Variants in CSGALNACT1 observed in about 807,000 individuals in gnomAD.
CSGALNACT1 encodes beta4GalNAcT-1.
Under a neutral mutation model 51.0 loss-of-function variants are expected in CSGALNACT1, and 52 were observed. That is an observed-to-expected ratio of 1.02 (90% confidence interval 0.82 to 1.29). The LOEUF is 1.29. Among genes scored for constraint, CSGALNACT1 ranks in the 50% most tolerant of loss-of-function variants. The pLI, the probability that CSGALNACT1 is intolerant of heterozygous loss-of-function variation, is 0.00. For missense variants in CSGALNACT1, 935 were observed against 679.2 expected, an observed-to-expected ratio of 1.38 and a Z score of -4.19; for synonymous variants, 341 against 254.4, an observed-to-expected ratio of 1.34 and a Z score of -3.24.
intron 3 of CSGALNACT1, among the ~76,000 whole-genome samples, chr8:19,546,039 C>T (rs1169852568): frequency 6.6e-6 from 1 of 151,762 alleles, no homozygotes; most frequent in Non-Finnish European, 1.5e-5. Context: ...GTTGTCATAC[C>T]ATTAGATCAA....
At chr8:19,520,486 T>C (rs2958586) in intron 3 of CSGALNACT1, among the ~76,000 whole-genome samples, 65,863 of 152,096 alleles carry the variant, frequency 0.43, 15,423 homozygotes, top group African/African-American at 0.63. Flanking sequence ...GCCAATCCTA[T>C]CTTGTAGTCA....
intron 1 of CSGALNACT1, among the ~76,000 whole-genome samples, chr8:19,622,696 T>A (rs1263182334): frequency 2.0e-5 from 3 of 151,928 alleles, no homozygotes; most frequent in Non-Finnish European, 4.4e-5. Flanking sequence ...AAATACACAC[T>A]CTCTAATGTA....
intron 1 of CSGALNACT1, among the ~76,000 whole-genome samples, chr8:19,661,582 A>T (rs1314442033): frequency 2.0e-5 from 3 of 152,176 alleles, no homozygotes; most frequent in African/African-American, 4.8e-5. Flanking sequence ...AGTTTAAGTA[A>T]TACAAGTGAC....
chr8:19,706,169 T>C (rs2062152801), intron 1 of CSGALNACT1, among the ~76,000 whole-genome samples: 1 of 152,214 alleles, frequency 6.6e-6, no homozygotes, highest in African/African-American at 2.4e-5. Flanking sequence ...GTGTGAGGCC[T>C]TATGTCTTTG....
Position 19,757,641 on chromosome 8 carries a change from T to C in CSGALNACT1, c.-297+209A>G, listed in dbSNP as rs1206091912. Reference sequence around the variant, plus strand: ...CGTGGCCCGAGTTGCAGGAGAGAGGTGTCCAATCTCCATGGGGTCCTTACT... The same window carrying C: ...CGTGGCCCGAGTTGCAGGAGAGAGGCGTCCAATCTCCATGGGGTCCTTACT... On this transcript the variant is annotated intron_variant, in intron 1 of 1. Transcript: ENST00000517494. This position sits in a 1 kb window ranked among gnomAD's most constrained non-coding sequence, Gnocchi z 4.0. Among the ~76,000 whole-genome samples, 1 of 151,626 alleles carries C rather than the reference T, an allele frequency of 6.6e-6. No individual in the cohort carries two copies. Among genetic ancestry groups the C allele is most frequent in the Non-Finnish European group, 1.5e-5 (1 of 67,862 alleles).
In CSGALNACT1 at chr8:19,590,642, T is replaced by G. The variant is rs1475800443; in HGVS notation, c.-297+518A>C. The stretch of plus-strand genomic sequence containing the variant: ...CTCATAGCTGGTGGACCTAACTACT[T>G]TTTTTTTTTTTTTTTTTTTTTTTTG... On this transcript the variant is annotated intron_variant, in intron 3 of 9. Coordinates refer to ENST00000454498, the Ensembl canonical transcript of CSGALNACT1. Among the ~76,000 whole-genome samples, 51 of 27,998 alleles carry G rather than the reference T, an allele frequency of 1.8e-3. No individual in the cohort carries two copies. In the South Asian group the frequency reaches 0.065, roughly 36 times the overall value. The allele number at this position is 27,998 out of a possible 152,430, so 18.4% of individuals were successfully genotyped here. A position where few individuals can be genotyped will look rare whatever the true frequency, so the allele number is the denominator to read the frequency against.
At chr8:19,497,088 C>G (rs368540386) in intron 4 of CSGALNACT1, among the ~76,000 whole-genome samples, 1 of 152,092 alleles carries the variant, frequency 6.6e-6, no homozygotes, top group African/African-American at 2.4e-5. Context: ...CTGAGGAAGG[C>G]GGAGTGGGGA....
At chr8:19,478,637 A>G (rs2070479582) in intron 4 of CSGALNACT1, among the ~76,000 whole-genome samples, 1 of 152,118 alleles carries the variant, frequency 6.6e-6, no homozygotes, top group Non-Finnish European at 1.5e-5. Flanking sequence ...GGACACTGGT[A>G]CTTCGCTAAT....
At chr8:19,506,126 G>A in exon 4 of CSGALNACT1, 2 of 612,844 alleles carry the variant, frequency 3.3e-6, no homozygotes, top group East Asian at 3.5e-5. Context: ...ACAGCAAGAG[G>A]GGACCTGGGA....
intron 1 of CSGALNACT1, among the ~76,000 whole-genome samples, chr8:19,740,859 C>T (rs2064268570): frequency 6.6e-6 from 1 of 152,118 alleles, no homozygotes; most frequent in Non-Finnish European, 1.5e-5. Context: ...TAGTTATTTG[C>T]TTTATTATCA....
chr8:19,450,431 C>A (rs2062971082), intron 5 of CSGALNACT1, among the ~76,000 whole-genome samples: 1 of 152,040 alleles, frequency 6.6e-6, no homozygotes, highest in Admixed American at 6.5e-5. Flanking sequence ...TGGTGAGCTC[C>A]CTCTGTTACC....
chr8:19,638,105 C>A (rs568188028), intron 1 of CSGALNACT1, among the ~76,000 whole-genome samples: 1 of 152,148 alleles, frequency 6.6e-6, no homozygotes, highest in Non-Finnish European at 1.5e-5. Flanking sequence ...TTGAAACCAA[C>A]GACTGTCTAA....
intron 4 of CSGALNACT1, among the ~76,000 whole-genome samples, chr8:19,472,668 G>GTT (rs1214110926): frequency 2.6e-5 from 4 of 152,212 alleles, no homozygotes; most frequent in Non-Finnish European, 5.9e-5. Context: ...TCAAAAGGAT[G>GTT]TTTTAACTCT....
chr8:19,429,239 C>T (rs868361903), intron 6 of CSGALNACT1, among the ~76,000 whole-genome samples: 22 of 152,164 alleles, frequency 1.4e-4, no homozygotes, highest in African/African-American at 5.1e-4. Context: ...TACAGTGGTG[C>T]AATCTTGGTT....
chr8:19,443,287 T>C (rs184721011), intron 5 of CSGALNACT1, among the ~76,000 whole-genome samples: 21 of 152,336 alleles, frequency 1.4e-4, no homozygotes, highest in Admixed American at 2.6e-4. Context: ...TGCATGTAAA[T>C]GTATGTATGT....
At chr8:19,606,027 A>G (rs937567710), upstream of CSGALNACT1, among the ~76,000 whole-genome samples, 1 of 152,194 alleles carries the variant, frequency 6.6e-6, no homozygotes, top group African/African-American at 2.4e-5. Context: ...TTAAGTTCCA[A>G]GGCTTACTCA....
intron 1 of CSGALNACT1, among the ~76,000 whole-genome samples, chr8:19,649,121 C>A (rs1287409273): frequency 1.3e-5 from 2 of 152,168 alleles, no homozygotes; most frequent in Non-Finnish European, 2.9e-5. Context: ...CATGAATTAT[C>A]TCAATTATTT....
intron 5 of CSGALNACT1, chr8:19,457,581 C>G (rs1451589987): frequency 4.0e-6 from 4 of 989,194 alleles, no homozygotes; most frequent in Non-Finnish European, 5.6e-6. Flanking sequence ...CCACTGCACT[C>G]CAGCCTGGGT....
At chr8:19,474,968 G>C (rs182263464) in intron 4 of CSGALNACT1, among the ~76,000 whole-genome samples, 30 of 152,086 alleles carry the variant, frequency 2.0e-4, no homozygotes, top group Admixed American at 1.8e-3. Context: ...CCTTGCTATG[G>C]AAAGGGCTCA....
Sources: gnomAD v4.1 joint callset for allele counts (sites outside exome capture counted in the v4.1 genomes callset) on GRCh38, gnomAD v4.1.1 for gene constraint, Gnocchi (gnomAD v3.1) non-coding constraint, MANE v1.5 for transcripts, NCBI Gene and HGNC (gene_info 2026-07-23, HGNC 2026-07-21) for gene names.